PPP1R16B: variants seen among roughly 807,000 people sequenced by gnomAD.
PPP1R16B encodes the protein protein phosphatase 1 regulatory subunit 16B, also known as protein phosphatase 1 regulatory inhibitor subunit 16B.
PPP1R16B carries 14 observed loss-of-function variants against 61.7 expected under a neutral mutation model. The observed-to-expected ratio is 0.23, with a 90% CI of 0.15 to 0.35. PPP1R16B has a LOEUF of 0.35. Ranked by LOEUF, PPP1R16B falls within the 10% of genes least tolerant of loss-of-function variation. PPP1R16B has a pLI of 1.00. For synonymous variants in PPP1R16B, 266 were observed against 305.3 expected (o/e 0.87, Z 1.34); for missense variants, 547 against 752.5 (o/e 0.73, Z 3.19).
Position 38,907,683 on chromosome 20 carries a change from C to A in PPP1R16B, c.899-123C>A. 1 of 1,319,998 alleles carries A rather than the reference C, an allele frequency of 7.6e-7. No homozygotes were observed. The highest frequency in any genetic ancestry group is 2.3e-5 in the East Asian group (1 of 42,910). The allele number at this position is 1,319,998 out of a possible 1,614,324, so 81.8% of individuals were successfully genotyped here. ...CTGGCATTGTTTTCTTGCCTCCCTG[C>A]ATGCCCTGAAAGATGCTTGGAGTTT... is the stretch of plus-strand genomic sequence containing the variant. On this transcript the variant is annotated intron_variant, in intron 8 of 10. Coordinates refer to ENST00000299824, the MANE Select transcript of PPP1R16B (RefSeq NM_015568.4). This position sits in a 1 kb window ranked among gnomAD's most constrained non-coding sequence, Gnocchi z 4.5.
intron 2 of PPP1R16B, among the ~76,000 whole-genome samples, chr20:38,883,764 C>T (rs2085221149): frequency 1.3e-5 from 2 of 152,330 alleles, no homozygotes; most frequent in South Asian, 2.1e-4. Flanking sequence ...CAGGGTGGCA[C>T]ACAAGCAAGA....
At chr20:38,822,648 C>T (rs368606017) in intron 1 of PPP1R16B, among the ~76,000 whole-genome samples, 1 of 151,920 alleles carries the variant, frequency 6.6e-6, no homozygotes, top group South Asian at 2.1e-4. Context: ...CTTAGACCCA[C>T]CCTACTTTAT....
At chr20:38,899,893 T>G (rs1382565680) in intron 4 of PPP1R16B, among the ~76,000 whole-genome samples, 2 of 152,002 alleles carry the variant, frequency 1.3e-5, no homozygotes, top group East Asian at 3.9e-4. Context: ...GCCTCCCAGT[T>G]TCAAGCAATT....
intron 4 of PPP1R16B, among the ~76,000 whole-genome samples, chr20:38,896,963 A>G (rs1056223102): frequency 9.2e-5 from 14 of 152,130 alleles, no homozygotes; most frequent in African/African-American, 3.4e-4. Context: ...CCTGACCAAC[A>G]TGGTGAAGTC....
At chr20:38,827,392 CT>C (rs2084811397) in intron 1 of PPP1R16B, among the ~76,000 whole-genome samples, 1 of 152,180 alleles carries the variant, frequency 6.6e-6, no homozygotes, top group African/African-American at 2.4e-5. Flanking sequence ...TTTCATCACT[CT>C]TTGTTCTTGT....
intron 1 of PPP1R16B, among the ~76,000 whole-genome samples, chr20:38,827,173 C>T (rs1020146631): frequency 1.3e-5 from 2 of 152,056 alleles, no homozygotes; most frequent in Non-Finnish European, 2.9e-5. Flanking sequence ...CTGTGGATCC[C>T]ACTCTTCATA....
chr20:38,852,930 C>T (rs149644062), intron 2 of PPP1R16B, among the ~76,000 whole-genome samples: 306 of 151,900 alleles, frequency 2.0e-3, no homozygotes, highest in African/African-American at 6.9e-3. Flanking sequence ...CCAACCACCA[C>T]GCCCAGCTAA....
At chr20:38,870,249 A>C (rs79373757) in intron 2 of PPP1R16B, among the ~76,000 whole-genome samples, 6,073 of 152,180 alleles carry the variant, frequency 0.04, 401 homozygotes, top group African/African-American at 0.13. Flanking sequence ...GCAGAGCAAA[A>C]ATTTATTGAG....
intron 2 of PPP1R16B, among the ~76,000 whole-genome samples, chr20:38,885,464 C>T (rs1031333156): frequency 6.6e-6 from 1 of 152,172 alleles, no homozygotes; most frequent in Non-Finnish European, 1.5e-5. Context: ...TTTCCCATTA[C>T]CCTCGTCCCC....
chr20:38,820,930 A>T (rs2084769329), intron 1 of PPP1R16B, among the ~76,000 whole-genome samples: 1 of 151,178 alleles, frequency 6.6e-6, no homozygotes, highest in African/African-American at 2.4e-5. Flanking sequence ...AGTCCCAGCT[A>T]CTCAGGAGGC....
intron 2 of PPP1R16B, among the ~76,000 whole-genome samples, chr20:38,870,175 T>C (rs2085118799): frequency 6.6e-6 from 1 of 152,126 alleles, no homozygotes; most frequent in African/African-American, 2.4e-5. Context: ...TCACCTCAAG[T>C]GATCCACCCG....
intron 2 of PPP1R16B, among the ~76,000 whole-genome samples, chr20:38,847,667 T>C (rs924785812): frequency 6.6e-6 from 1 of 152,038 alleles, no homozygotes; most frequent in Non-Finnish European, 1.5e-5. Context: ...TATTTGTTCA[T>C]TTTTTTTACT....
intron 2 of PPP1R16B, among the ~76,000 whole-genome samples, chr20:38,864,619 C>T (rs1405096188): frequency 2.6e-5 from 4 of 152,270 alleles, no homozygotes; most frequent in East Asian, 1.9e-4. Flanking sequence ...GAACCGCCAC[C>T]GTAAGCTGCC....
At chr20:38,854,774 A>C (rs1408790349) in intron 2 of PPP1R16B, among the ~76,000 whole-genome samples, 1 of 152,202 alleles carries the variant, frequency 6.6e-6, no homozygotes, top group Non-Finnish European at 1.5e-5. Context: ...TAGACAGTGG[A>C]CACGGTCAGT....
intron 2 of PPP1R16B, among the ~76,000 whole-genome samples, chr20:38,875,864 T>G (rs939066572): frequency 1.3e-5 from 2 of 151,880 alleles, no homozygotes; most frequent in African/African-American, 4.8e-5. Context: ...GTTCCCTTCC[T>G]GGCCACGATC....
Position 38,893,359 on chromosome 20 carries a change from C to T in PPP1R16B, c.322-2206C>T, listed in dbSNP as rs549011896. ...TGCCTGGCAAAGGAGTGTGGATTTT[C>T]TTCTCTTGGCAACAGGGAGCCCTCA... On this transcript the variant is annotated intron_variant, in intron 3 of 10. Coordinates refer to ENST00000299824, the MANE Select transcript of PPP1R16B (RefSeq NM_015568.4). Among the ~76,000 whole-genome samples, 62 of 152,260 alleles carry T rather than the reference C, an allele frequency of 4.1e-4. 1 individual carries two copies. In the South Asian group the frequency reaches 0.013, roughly 32 times the overall value.
At chr20:38,830,848 T>C (rs892274547) in intron 1 of PPP1R16B, among the ~76,000 whole-genome samples, 3 of 152,208 alleles carry the variant, frequency 2.0e-5, no homozygotes, top group African/African-American at 7.2e-5. Flanking sequence ...GCTGAGATGA[T>C]GGCTGGGGAA....
intron 10 of PPP1R16B, among the ~76,000 whole-genome samples, chr20:38,916,758 A>C (rs536779942): frequency 6.6e-6 from 1 of 152,308 alleles, no homozygotes; most frequent in Admixed American, 6.5e-5. Context: ...TCCATCAAAG[A>C]GACTGTAGCA....
At chr20:38,841,560 A>G (rs936026772) in intron 2 of PPP1R16B, among the ~76,000 whole-genome samples, 6 of 152,058 alleles carry the variant, frequency 3.9e-5, no homozygotes, top group Admixed American at 3.3e-4. Flanking sequence ...CATCATCCCA[A>G]AAAGAAGCCT....
Sources: allele counts gnomAD v4.1 joint callset (sites outside exome capture counted in the v4.1 genomes callset), GRCh38; gene constraint gnomAD v4.1.1; non-coding constraint Gnocchi (gnomAD v3.1); transcripts MANE v1.5; gene names NCBI Gene and HGNC (gene_info 2026-07-23, HGNC 2026-07-21).